KANSL2: variants seen among roughly 807,000 people sequenced by gnomAD.
KANSL2 encodes the protein KAT8 regulatory NSL complex subunit 2.
In KANSL2, 34 loss-of-function variants were observed where a neutral mutation model predicts 55.6. That is an observed-to-expected ratio of 0.61 (90% CI 0.46 to 0.81). The LOEUF is 0.81. Among genes scored for constraint, KANSL2 ranks in the 40% least tolerant of loss-of-function variants. KANSL2 has a pLI of 0.00. For synonymous variants in KANSL2, 209 were observed against 214.3 expected, an observed-to-expected ratio of 0.98 and a Z score of 0.22; for missense variants, 502 against 609.9, an observed-to-expected ratio of 0.82 and a Z score of 1.86.
In KANSL2 at chr12:48,676,673, C is replaced by T. The variant is rs373945901; in HGVS notation, c.545+2363G>A. ...AACTTCGTGTCAAAAAAAAAAAGTG[C>T]GAGGATTACATGCGTAAGTCACTAC... On this transcript the variant is annotated intron_variant, in intron 4 of 9. Transcript: ENST00000420613. 5.2e-4 allele frequency among the ~76,000 whole-genome samples: 79 copies of T among 151,794 alleles called. 1 individual carries two copies. Among genetic ancestry groups the T allele is most frequent in the African/African-American group, 1.8e-3 (73 of 41,416 alleles).
intron 3 of KANSL2, 60 bp downstream of exon 3, chr12:48,679,595 C>T (rs1448328924): frequency 6.9e-7 from 1 of 1,447,972 alleles, no homozygotes; most frequent in Non-Finnish European, 9.5e-7. Context: ...TGTGCTAACC[C>T]AAAATAGTTC....
In KANSL2 at chr12:48,681,398, G is replaced by C; in HGVS notation, c.235C>G (p.Pro79Ala). Residue 79 changes from proline to alanine, a missense_variant, in exon 2 of 10, where the codon CCA (proline) becomes GCA (alanine). Coordinates refer to ENST00000420613, the MANE Select transcript of KANSL2 (RefSeq NM_017822.4). Reference sequence around the variant, plus strand: ...CATATATACCCATCTTTCTTCTCTGGCTTTGGGGCAGCATTGGGACATCTT... The same window carrying C: ...CATATATACCCATCTTTCTTCTCTGCCTTTGGGGCAGCATTGGGACATCTT... Reference protein sequence around the residue: ...GKRCPNAAPKPEKKDGVSFCA... With the variant: ...GKRCPNAAPKAEKKDGVSFCA... 1 of 1,613,326 alleles carries C rather than the reference G, an allele frequency of 6.2e-7. No homozygotes were observed. Among genetic ancestry groups the C allele is most frequent in the Non-Finnish European group, 8.5e-7 (1 of 1,179,596 alleles).
intron 7 of KANSL2, chr12:48,662,704 G>T: frequency 8.1e-7 from 1 of 1,234,380 alleles, no homozygotes; most frequent in Non-Finnish European, 1.0e-6. Context: ...ACTATGGAGT[G>T]GAAAGGAAAG....
intron 8 of KANSL2, among the ~76,000 whole-genome samples, chr12:48,659,833 G>A (rs1025849526): frequency 1.3e-5 from 2 of 152,180 alleles, no homozygotes; most frequent in East Asian, 3.8e-4. Context: ...ATGAAGTATT[G>A]ATACATATTA....
Position 48,654,091 on chromosome 12 carries a change from C to G in KANSL2, c.1432G>C (p.Gly478Arg). The G allele has an allele frequency of 1.2e-6, 2 of 1,611,854 alleles. No homozygotes were observed. Among genetic ancestry groups the G allele is most frequent in the Non-Finnish European group, 1.7e-6 (2 of 1,178,954 alleles). Residue 478 changes from glycine to arginine, a missense_variant, in exon 10 of 10, where the codon GGA becomes CGA. Transcript: ENST00000420613. ...GGCTTCCCATTTGCAGTAGCCAATC[C>G]ACTCTGAGACAATGGTGCAGAGGCT... ...EKASAPLSQS[G>R]LATANGKPEP...
chr12:48,681,239 T>C, intron 2 of KANSL2, 143 bp downstream of exon 2: 1 of 880,884 alleles, frequency 1.1e-6, no homozygotes, highest in African/African-American at 1.7e-5. Context: ...GTCTTCACCG[T>C]TTTTTCAGTT....
intron 7 of KANSL2, among the ~76,000 whole-genome samples, chr12:48,663,740 TTGA>T (rs1939532032): frequency 6.6e-6 from 1 of 152,022 alleles, no homozygotes; most frequent in Non-Finnish European, 1.5e-5. Flanking sequence ...AGCTATGTTG[TTGA>T]TAAGGCTTCT....
chr12:48,655,308 C>T (rs983140540), intron 8 of KANSL2, among the ~76,000 whole-genome samples: 2 of 152,148 alleles, frequency 1.3e-5, no homozygotes, highest in African/African-American at 4.8e-5. Flanking sequence ...GGCCACCACA[C>T]CTCTAATCCC....
chr12:48,671,222 G>A (rs1281439194), intron 5 of KANSL2, among the ~76,000 whole-genome samples: 2 of 148,854 alleles, frequency 1.3e-5, no homozygotes, highest in African/African-American at 5.0e-5. Context: ...CTGAGATCAT[G>A]CCACTGCACT....
chr12:48,676,595 T>C (rs1592109054), intron 4 of KANSL2, among the ~76,000 whole-genome samples: 2 of 151,736 alleles, frequency 1.3e-5, no homozygotes, highest in Non-Finnish European at 1.5e-5. Context: ...GAGGCGGAGG[T>C]TGCAGTGAGC....
At chr12:48,679,863 A>C in intron 2 of KANSL2, 30 bp from the exon 3 acceptor site, 1 of 1,535,228 alleles carries the variant, frequency 6.5e-7, no homozygotes, top group Non-Finnish European at 8.8e-7. Flanking sequence ...ATATTTTATA[A>C]GTTCCTTCTT....
chr12:48,667,074 G>T (rs975274644), intron 7 of KANSL2, among the ~76,000 whole-genome samples: 1 of 151,598 alleles, frequency 6.6e-6, no homozygotes, highest in Non-Finnish European at 1.5e-5. Flanking sequence ...CCAGCTACTC[G>T]GAGAATCGCT....
chr12:48,682,013 A>C (rs1939938305), intron 1 of KANSL2, 174 bp downstream of exon 1: 2 of 702,832 alleles, frequency 2.8e-6, no homozygotes, highest in Non-Finnish European at 5.2e-6. Context: ...AGCCTATGCG[A>C]GCGCCATTTT....
chr12:48,660,927 A>G (rs1939474956), intron 7 of KANSL2, among the ~76,000 whole-genome samples: 1 of 152,160 alleles, frequency 6.6e-6, no homozygotes, highest in African/African-American at 2.4e-5. Context: ...TAACACTCCT[A>G]GGAACACACA....
At chr12:48,672,071 TA>T in intron 4 of KANSL2, 109 bp from the exon 5 acceptor site, 1 of 867,342 alleles carries the variant, frequency 1.2e-6, no homozygotes, top group South Asian at 2.3e-5. Context: ...AGTGGTGACA[TA>T]ATCACCTTAA....
At chr12:48,655,745 G>C (rs1592095490) in intron 8 of KANSL2, among the ~76,000 whole-genome samples, 1 of 152,070 alleles carries the variant, frequency 6.6e-6, no homozygotes, top group Admixed American at 6.6e-5. Flanking sequence ...CATGGTAAAT[G>C]TTCATAACAC....
chr12:48,671,682 G>T, intron 5 of KANSL2, 117 bp downstream of exon 5: 1 of 1,118,720 alleles, frequency 8.9e-7, no homozygotes, highest in South Asian at 1.5e-5. Flanking sequence ...CATGAAGTTT[G>T]AATGACAAAA....
chr12:48,680,401 G>C (rs1174074320), intron 2 of KANSL2, among the ~76,000 whole-genome samples: 1 of 151,946 alleles, frequency 6.6e-6, no homozygotes, highest in African/African-American at 2.4e-5. Context: ...TGTATTGCCT[G>C]GGTTGGTCTC....
intron 7 of KANSL2, among the ~76,000 whole-genome samples, chr12:48,662,385 G>A (rs1243940343): frequency 1.3e-5 from 2 of 152,214 alleles, no homozygotes; most frequent in Admixed American, 6.5e-5. Context: ...GATTACAGGC[G>A]TGAGCCACCA....
Sources: allele counts gnomAD v4.1 joint callset (sites outside exome capture counted in the v4.1 genomes callset), GRCh38; gene constraint gnomAD v4.1.1; transcripts MANE v1.5; gene names NCBI Gene and HGNC (gene_info 2026-07-23, HGNC 2026-07-21).